The following GRB10 variants were observed in gnomAD, a reference collection of about 807,000 sequenced individuals.
The protein encoded by GRB10 is growth factor receptor bound protein 10.
In GRB10, 20 loss-of-function variants were observed where a neutral mutation model predicts 80.9. That is an observed-to-expected ratio of 0.25 (90% CI 0.17 to 0.36). GRB10 has a LOEUF of 0.36. Among genes scored for constraint, GRB10 ranks in the 10% least tolerant of loss-of-function variants. The pLI, the probability that GRB10 is intolerant of heterozygous loss-of-function variation, is 1.00. For missense variants in GRB10, 548 were observed against 747.7 expected (o/e 0.73, Z 3.12); for synonymous variants, 291 against 291.5 (o/e 1.00, Z 0.02).
At chr7:50,736,879 A>C (rs2153694743) in intron 3 of GRB10, among the ~76,000 whole-genome samples, 1 of 152,340 alleles carries the variant, frequency 6.6e-6, no homozygotes, top group South Asian at 2.1e-4. Context: ...CACCATAAGC[A>C]AAAAGCAACT....
chr7:50,742,271 GCACACACACACACACACA>G (rs55813195), intron 3 of GRB10, among the ~76,000 whole-genome samples: 5 of 46,910 alleles, frequency 1.1e-4, no homozygotes, highest in East Asian at 1.2e-3. Context: ...ACGCGCGCGC[GCACACACACACACACACA>G]CACACACACA....
At chr7:50,708,058 A>C (rs2065284739) in intron 4 of GRB10, among the ~76,000 whole-genome samples, 1 of 152,214 alleles carries the variant, frequency 6.6e-6, no homozygotes, top group Non-Finnish European at 1.5e-5. Context: ...ATAACTAATA[A>C]TTTTTTGGTA....
Position 50,780,160 on chromosome 7 carries a change from C to T in GRB10, c.-217+467G>A, listed in dbSNP as rs185554490. Among the ~76,000 whole-genome samples the T allele has an allele frequency of 1.1e-3, 169 of 152,244 alleles. No homozygotes were observed. In the Middle Eastern group the frequency reaches 0.017, roughly 15 times the overall value. On this transcript the variant is annotated intron_variant, in intron 2 of 18. Transcript: ENST00000401949. The stretch of plus-strand genomic sequence containing the variant: ...GTCTCCTGAACAAATCAGAATAAAC[C>T]GTCATGGAAAGGGTTCCAGGGTTTG...
At position 50,664,311 on chromosome 7, in the gene GRB10, C is replaced by G. The variant is rs921277846; in HGVS notation, c.504+5411G>C. The stretch of plus-strand genomic sequence containing the variant: ...ATACACATGGCTCCCCTCAGCCTCT[C>G]AGAGCCTTCTGAACTTCACCCAGCA... On this transcript the variant is annotated intron_variant, in intron 7 of 18. Transcript: ENST00000401949. 5.9e-5 allele frequency among the ~76,000 whole-genome samples: 9 copies of G among 152,206 alleles called. No individual in the cohort carries two copies. The East Asian group carries it at 1.5e-3, about 26-fold the overall frequency.
chr7:50,632,225 C>T (rs1039936136), intron 7 of GRB10, among the ~76,000 whole-genome samples: 15 of 152,180 alleles, frequency 9.9e-5, no homozygotes, highest in African/African-American at 3.6e-4. Flanking sequence ...GATTATATGG[C>T]TCTACTCACC....
At chr7:50,635,816 C>T (rs1172761013) in intron 7 of GRB10, among the ~76,000 whole-genome samples, 1 of 151,102 alleles carries the variant, frequency 6.6e-6, no homozygotes, top group Non-Finnish European at 1.5e-5. Flanking sequence ...ACCCAACTTC[C>T]TGAGATTGAA....
At chr7:50,680,733 T>C (rs1173814763) in intron 5 of GRB10, among the ~76,000 whole-genome samples, 1 of 152,240 alleles carries the variant, frequency 6.6e-6, no homozygotes, top group Admixed American at 6.5e-5. Flanking sequence ...CTCAGTCTGC[T>C]GAGGCTACAC....
intron 7 of GRB10, among the ~76,000 whole-genome samples, chr7:50,646,934 A>G (rs1392149080): frequency 6.6e-6 from 1 of 152,210 alleles, no homozygotes; most frequent in Non-Finnish European, 1.5e-5. Flanking sequence ...ACCCTGGTGC[A>G]GAGCCAGGCT....
intron 2 of GRB10, among the ~76,000 whole-genome samples, chr7:50,766,230 C>T (rs971565256): frequency 2.0e-5 from 3 of 152,202 alleles, no homozygotes; most frequent in Non-Finnish European, 4.4e-5. Context: ...CTTGTGATCC[C>T]CCTCTGCCCT....
intron 5 of GRB10, among the ~76,000 whole-genome samples, chr7:50,689,941 T>A (rs571280288): frequency 7.7e-4 from 117 of 151,640 alleles, no homozygotes; most frequent in Non-Finnish European, 1.2e-3. Flanking sequence ...GCATTCTACT[T>A]ATCTGGAATG....
At chr7:50,595,294 A>C (rs1455911631) in intron 18 of GRB10, 143 bp downstream of exon 18, 1 of 686,738 alleles carries the variant, frequency 1.5e-6, no homozygotes, top group Non-Finnish European at 2.6e-6. Context: ...CAAACCTGTA[A>C]AGAAATTCTT....
intron 4 of GRB10, chr7:50,710,864 C>T (rs1292858121): frequency 2.4e-5 from 39 of 1,612,262 alleles, no homozygotes; most frequent in Non-Finnish European, 3.2e-5. Context: ...CGGTAGACAG[C>T]GGGCACTGAC....
chr7:50,608,185 G>T (rs955289829), intron 13 of GRB10, among the ~76,000 whole-genome samples: 5 of 152,184 alleles, frequency 3.3e-5, no homozygotes, highest in Non-Finnish European at 7.3e-5. Flanking sequence ...TGGAAAAATT[G>T]CTGAGAAACA....
rs111867499 is a variant in GRB10, at chr7:50,712,133, A to G, written c.52-8225T>C. ...CCTAAAACATTAGTGAACTTGGTAA[A>G]AGCTGCAGTATCAGCACTCCTATTC... On this transcript the variant is annotated intron_variant, in intron 4 of 18. Transcript: ENST00000401949. Among the ~76,000 whole-genome samples the G allele has an allele frequency of 1.4e-3, 206 of 152,320 alleles. 1 individual carries two copies. Among genetic ancestry groups the G allele is most frequent in the African/African-American group, 4.6e-3 (193 of 41,578 alleles).
intron 7 of GRB10, among the ~76,000 whole-genome samples, chr7:50,630,265 G>T (rs1261124830): frequency 6.6e-6 from 1 of 152,234 alleles, no homozygotes; most frequent in Non-Finnish European, 1.5e-5. Context: ...GAGGAACTTA[G>T]AAACAGACTT....
At chr7:50,726,431 AAT>A (rs1414584839) in intron 4 of GRB10, among the ~76,000 whole-genome samples, 8 of 152,100 alleles carry the variant, frequency 5.3e-5, no homozygotes, top group African/African-American at 1.9e-4. Context: ...ATACATAGAA[AAT>A]ATGTGATAAA....
At chr7:50,728,890 C>T (rs911343930) in intron 4 of GRB10, among the ~76,000 whole-genome samples, 37 of 152,158 alleles carry the variant, frequency 2.4e-4, no homozygotes, top group African/African-American at 8.7e-4. Flanking sequence ...AAGCTGGTCT[C>T]GAACTCCTGG....
chr7:50,689,426 A>G (rs1426317532), intron 5 of GRB10, among the ~76,000 whole-genome samples: 1 of 152,218 alleles, frequency 6.6e-6, no homozygotes, highest in Non-Finnish European at 1.5e-5. Context: ...GACTATCGTG[A>G]AAGACTTTCT....
chr7:50,667,669 A>AC (rs1282145345), intron 7 of GRB10, among the ~76,000 whole-genome samples: 1 of 152,118 alleles, frequency 6.6e-6, no homozygotes, highest in African/African-American at 2.4e-5. Context: ...TCGGGAAAAA[A>AC]AAAAAAAGAA....
Sources: allele counts gnomAD v4.1 joint callset (sites outside exome capture counted in the v4.1 genomes callset), GRCh38; gene constraint gnomAD v4.1.1; transcripts MANE v1.5; gene names NCBI Gene and HGNC (gene_info 2026-07-23, HGNC 2026-07-21).